The following TXNDC11 variants were observed in gnomAD, a reference collection of about 807,000 sequenced individuals.
TXNDC11 encodes the protein thioredoxin domain containing 11.
In TXNDC11, 68 loss-of-function variants were observed where a neutral mutation model predicts 78.0. The ratio of observed to expected loss-of-function variants is 0.87; its 90% CI spans 0.72 to 1.07. TXNDC11 has a LOEUF of 1.07. Among genes scored for constraint, TXNDC11 ranks in the 50% least tolerant of loss-of-function variants. The probability of loss-of-function intolerance (pLI) is 0.00; values close to 1 mark genes in which losing one functional copy is unlikely to be tolerated. For missense variants in TXNDC11, 1,389 were observed against 1,221.8 expected, an observed-to-expected ratio of 1.14 and a Z score of -2.04; for synonymous variants, 571 against 495.2, an observed-to-expected ratio of 1.15 and a Z score of -2.03.
chr16:11,698,863 C>T (rs1017487173), intron 6 of TXNDC11, among the ~76,000 whole-genome samples: 3 of 152,264 alleles, frequency 2.0e-5, no homozygotes, highest in East Asian at 1.9e-4. Context: ...GAACTCAACA[C>T]ATGTCTTCAG....
At chr16:11,738,180 A>C (rs2052283191) in intron 1 of TXNDC11, among the ~76,000 whole-genome samples, 1 of 152,238 alleles carries the variant, frequency 6.6e-6, no homozygotes, top group Non-Finnish European at 1.5e-5. Context: ...GAGTGAAAAA[A>C]GTGCTAAAGA....
intron 10 of TXNDC11, 52 bp from the exon 11 acceptor site, chr16:11,684,297 A>C (rs913565854): frequency 1.5e-6 from 2 of 1,335,738 alleles, no homozygotes; most frequent in Admixed American, 1.8e-5. Flanking sequence ...AGAAACACCA[A>C]CTTGAAAGAA....
chr16:11,679,554 G>A lies in TXNDC11; in HGVS notation c.2518C>T (p.Gln840Ter), dbSNP rs137922576. 378 of 1,613,516 alleles carry A rather than the reference G, an allele frequency of 2.3e-4. No homozygotes were observed. The highest frequency in any genetic ancestry group is 3.1e-4 in the Non-Finnish European group (371 of 1,180,026). Residue 840 changes from glutamine to a stop codon, truncating the protein, a stop_gained, in exon 12 of 12, where the codon CAG (glutamine) becomes TAG (stop). Transcript: ENST00000283033. LOFTEE classifies it low-confidence loss of function (END_TRUNC). The surrounding 1 kb of genome is among the most constrained non-coding windows in gnomAD (Gnocchi z 4.6). Reference sequence around the variant, plus strand: ...TGCTCTTCCAGGGCCCGCTGCTGCTGCCGCAGCCGGTGCTCATCTCTGCGG... The same window carrying A: ...TGCTCTTCCAGGGCCCGCTGCTGCTACCGCAGCCGGTGCTCATCTCTGCGG... ...SARRDEHRLR[Q>*]QQRALEEQHS...
intron 4 of TXNDC11, among the ~76,000 whole-genome samples, chr16:11,728,143 A>T (rs78083064): frequency 0.021 from 3,272 of 152,286 alleles, 48 homozygotes; most frequent in Non-Finnish European, 0.033. Flanking sequence ...TAACTTTCCT[A>T]ATTATTCAAC....
At chr16:11,695,968 G>C (rs941267594) in intron 7 of TXNDC11, among the ~76,000 whole-genome samples, 1 of 151,668 alleles carries the variant, frequency 6.6e-6, no homozygotes, top group Non-Finnish European at 1.5e-5. Context: ...TCAGGAGGCA[G>C]TGAGCCGAGA....
intron 6 of TXNDC11, among the ~76,000 whole-genome samples, chr16:11,699,798 G>C (rs1210044008): frequency 1.3e-5 from 2 of 152,230 alleles, no homozygotes; most frequent in Admixed American, 6.5e-5. Context: ...TGATGCGAGA[G>C]AGACAGAATA....
intron 4 of TXNDC11, among the ~76,000 whole-genome samples, chr16:11,725,699 G>C (rs1213469555): frequency 6.6e-6 from 1 of 152,204 alleles, no homozygotes; most frequent in African/African-American, 2.4e-5. Context: ...CTTGAAAACT[G>C]AAGAGCACTT....
rs879684101 is a variant in TXNDC11 at position 11,720,740 on chromosome 16, G to GT, written c.793+836dup. 5.0e-3 allele frequency among the ~76,000 whole-genome samples: 667 copies of GT among 132,538 alleles called. 5 individuals carry two copies. The highest frequency in any genetic ancestry group is 0.011 in the African/African-American group (411 of 35,766). 87.0% of individuals were successfully genotyped at this position (132,538 alleles called of 152,430 possible). A position where few individuals can be genotyped will look rare whatever the true frequency, so the allele number is the denominator to read the frequency against. On this transcript the variant is annotated intron_variant, in intron 5 of 11. Coordinates refer to ENST00000283033, the MANE Select transcript of TXNDC11 (RefSeq NM_015914.7). Reference sequence around the variant, plus strand: ...CATTCATATCATATATATATATATGGTTTTTTTTTTTGAGACAGGATCTCA... The same window carrying GT: ...CATTCATATCATATATATATATATGGTTTTTTTTTTTTGAGACAGGATCTCA...
chr16:11,713,782 G>A (rs1016920058), intron 5 of TXNDC11, among the ~76,000 whole-genome samples: 2 of 152,002 alleles, frequency 1.3e-5, no homozygotes, highest in Non-Finnish European at 2.9e-5. Context: ...GGGTCTCAAT[G>A]CAGGCAGATA....
At chr16:11,687,738 C>A in intron 10 of TXNDC11, 119 bp downstream of exon 10, 2 of 689,772 alleles carry the variant, frequency 2.9e-6, no homozygotes, top group Non-Finnish European at 2.6e-6. Flanking sequence ...TTAAATTCAG[C>A]CAAGTCCTAC....
At chr16:11,682,237 T>C (rs1004568423) in intron 11 of TXNDC11, among the ~76,000 whole-genome samples, 1 of 152,262 alleles carries the variant, frequency 6.6e-6, no homozygotes, top group Non-Finnish European at 1.5e-5. Flanking sequence ...TGGGACCAGC[T>C]CATGATGAGC....
In TXNDC11 at chr16:11,742,772, T is replaced by G; in HGVS notation, c.-42A>C. On this transcript the variant is annotated 5_prime_UTR_variant, in exon 1 of 12. Coordinates refer to ENST00000283033, the MANE Select transcript of TXNDC11 (RefSeq NM_015914.7). ...CCGGCTTTATACCGCCGCCGCCGCCTCGGGCCCGAAGGCCCGGCCCGGCCC... is the reference window on the plus strand; with the variant it reads ...CCGGCTTTATACCGCCGCCGCCGCCGCGGGCCCGAAGGCCCGGCCCGGCCC... 7.1e-7 allele frequency: 1 copy of G among 1,416,794 alleles called. No individual in the cohort carries two copies. Among genetic ancestry groups the G allele is most frequent in the South Asian group, 1.6e-5 (1 of 64,476 alleles). 87.8% of individuals were successfully genotyped at this position (1,416,794 alleles called of 1,614,324 possible).
intron 4 of TXNDC11, among the ~76,000 whole-genome samples, chr16:11,723,111 A>AG (rs1046773187): frequency 6.6e-6 from 1 of 151,778 alleles, no homozygotes; most frequent in Non-Finnish European, 1.5e-5. Flanking sequence ...TACAAAAATT[A>AG]GCCAGGTGTG....
rs1393126169 is a variant in TXNDC11 at position 11,736,083 on chromosome 16, A to T, written c.405T>A (p.Pro135=). ...TGGCAGCGATGGACTGTCCACACCAAGGGGCATAGAAGAAGAGCAGTACCA... is the reference window on the plus strand; with the variant it reads ...TGGCAGCGATGGACTGTCCACACCATGGGGCATAGAAGAAGAGCAGTACCA... ...SEVVLLFFYA[P]WCGQSIAARA... Residue 135 remains proline, a synonymous_variant, in exon 2 of 12, where the codon CCT becomes CCA. Transcript: ENST00000283033. 6.2e-7 allele frequency: 1 copy of T among 1,614,176 alleles called. No homozygotes were observed. The highest frequency in any genetic ancestry group is 1.7e-5 in the Admixed American group (1 of 60,014).
At chr16:11,686,323 G>T (rs756601491) in intron 10 of TXNDC11, among the ~76,000 whole-genome samples, 3 of 152,150 alleles carry the variant, frequency 2.0e-5, no homozygotes, top group Non-Finnish European at 2.9e-5. Flanking sequence ...TCCATTAACT[G>T]TATGAAAAGC....
chr16:11,701,645 T>C (rs552080251), intron 5 of TXNDC11, among the ~76,000 whole-genome samples: 28 of 152,130 alleles, frequency 1.8e-4, no homozygotes, highest in Non-Finnish European at 3.2e-4. Flanking sequence ...TATGTATACA[T>C]GGCTAATAAT....
At chr16:11,692,115 G>T (rs1228703067) in intron 7 of TXNDC11, 33 bp from the exon 8 acceptor site, 1 of 1,496,436 alleles carries the variant, frequency 6.7e-7, no homozygotes, top group East Asian at 2.3e-5. Context: ...TGAAGGGCTT[G>T]GGGATGACTG....
intron 1 of TXNDC11, among the ~76,000 whole-genome samples, chr16:11,741,122 A>G (rs2052378315): frequency 6.6e-6 from 1 of 152,212 alleles, no homozygotes; most frequent in Non-Finnish European, 1.5e-5. Context: ...CCCTGCTGAC[A>G]GTACCTGGCC....
chr16:11,740,982 T>C (rs560931447), intron 1 of TXNDC11, among the ~76,000 whole-genome samples: 1 of 148,918 alleles, frequency 6.7e-6, no homozygotes, highest in Admixed American at 6.7e-5. Flanking sequence ...TGTTACATCT[T>C]GTGGGGTGTG....
Sources: gnomAD v4.1 joint callset for allele counts (sites outside exome capture counted in the v4.1 genomes callset) on GRCh38, gnomAD v4.1.1 for gene constraint, Gnocchi (gnomAD v3.1) non-coding constraint, MANE v1.5 for transcripts, NCBI Gene and HGNC (gene_info 2026-07-23, HGNC 2026-07-21) for gene names.